The following CORO2A variants were observed in gnomAD, a reference collection of about 807,000 sequenced individuals.
CORO2A encodes coronin-2A.
In CORO2A, 47 loss-of-function variants were observed where a neutral mutation model predicts 62.4. That is an observed-to-expected ratio of 0.75 (90% CI 0.60 to 0.96). The LOEUF (loss-of-function observed/expected upper bound fraction) is 0.96. Ranked by LOEUF, CORO2A falls within the 40% of genes least tolerant of loss-of-function variation. The probability of loss-of-function intolerance (pLI) is 0.00; values close to 1 mark genes in which losing one functional copy is unlikely to be tolerated. For synonymous variants in CORO2A, 273 were observed against 268.9 expected (o/e 1.02, Z -0.15); for missense variants, 610 against 684.1 (o/e 0.89, Z 1.21).
At chr9:98,176,126 C>T (rs1160169623) in intron 1 of CORO2A, among the ~76,000 whole-genome samples, 1 of 152,162 alleles carries the variant, frequency 6.6e-6, no homozygotes, top group Non-Finnish European at 1.5e-5. Flanking sequence ...TCTAAACATT[C>T]GGCGGGGGGT....
In CORO2A at chr9:98,192,610, C is replaced by T. The variant is rs1828318886; in HGVS notation, c.-52G>A. 6.7e-6 allele frequency: 1 copy of T among 150,270 alleles called. No homozygotes were observed. Among genetic ancestry groups the T allele is most frequent in the African/African-American group, 2.4e-5 (1 of 41,228 alleles). The allele number at this position is 150,270 out of a possible 1,614,324, so 9.3% of individuals were successfully genotyped here. ...TGGCGGCGGCGGCGTCCAGCTCCGG[C>T]TCCGCGCTCCTCGCCGCCCGCCGAC... On this transcript the variant is annotated 5_prime_UTR_variant, in exon 1 of 12. Coordinates refer to ENST00000375077, the MANE Select transcript of CORO2A (RefSeq NM_052820.4).
chr9:98,159,820 A>G (rs1827859651), intron 1 of CORO2A, among the ~76,000 whole-genome samples: 1 of 151,998 alleles, frequency 6.6e-6, no homozygotes, highest in Admixed American at 6.5e-5. Flanking sequence ...GCTCTGCTCC[A>G]GGAGTGTCCA....
chr9:98,151,814 A>ATCT (rs1827727419), intron 2 of CORO2A, among the ~76,000 whole-genome samples: 1 of 115,442 alleles, frequency 8.7e-6, no homozygotes, highest in African/African-American at 3.3e-5. Context: ...TGCCCGGCTA[A>ATCT]TTTTTTTTTT....
chr9:98,153,351 T>G (rs1414591346), intron 2 of CORO2A, among the ~76,000 whole-genome samples: 2 of 151,882 alleles, frequency 1.3e-5, no homozygotes, highest in African/African-American at 4.8e-5. Flanking sequence ...TCTGCCCGTC[T>G]GGGCCTGCCA....
chr9:98,150,503 GA>G (rs1827708482), intron 2 of CORO2A, among the ~76,000 whole-genome samples: 2 of 152,148 alleles, frequency 1.3e-5, no homozygotes, highest in Admixed American at 6.5e-5. Flanking sequence ...TCGGCTCAAA[GA>G]TCACCTTCCC....
intron 10 of CORO2A, 184 bp from the exon 11 acceptor site, chr9:98,127,007 T>A (rs1587989677): frequency 1.6e-6 from 1 of 645,076 alleles, no homozygotes; most frequent in East Asian, 2.8e-5. Flanking sequence ...CAGATACAAA[T>A]ACCCACGTGT....
intron 1 of CORO2A, among the ~76,000 whole-genome samples, chr9:98,162,784 C>T (rs900378932): frequency 5.3e-5 from 8 of 152,180 alleles, no homozygotes; most frequent in Admixed American, 5.2e-4. Flanking sequence ...TGAGCGCATG[C>T]GTGTATCCGT....
chr9:98,154,352 T>TATATATATATATATATATATATAA, intron 2 of CORO2A, among the ~76,000 whole-genome samples: 1 of 94,068 alleles, frequency 1.1e-5, no homozygotes, highest in Non-Finnish European at 2.2e-5. Flanking sequence ...TATATATATA[T>TATATATATATATATATATATATAA]ACACAAATAC....
At chr9:98,181,684 G>A (rs1437581853) in intron 1 of CORO2A, among the ~76,000 whole-genome samples, 3 of 152,030 alleles carry the variant, frequency 2.0e-5, no homozygotes, top group African/African-American at 7.2e-5. Context: ...CTTTGGCAAG[G>A]CTGTTTCTCC....
intron 1 of CORO2A, among the ~76,000 whole-genome samples, chr9:98,170,006 C>CAA (rs775192024): frequency 2.2e-4 from 34 of 152,176 alleles, no homozygotes; most frequent in Non-Finnish European, 7.3e-5. Flanking sequence ...AAGAAGGCAC[C>CAA]AAGTTCAAGC....
intron 1 of CORO2A, among the ~76,000 whole-genome samples, chr9:98,189,522 T>C (rs1389027924): frequency 1.3e-5 from 2 of 152,182 alleles, no homozygotes; most frequent in Non-Finnish European, 2.9e-5. Context: ...ATTTAATGAA[T>C]CTCCTTCCAA....
intron 1 of CORO2A, among the ~76,000 whole-genome samples, chr9:98,178,420 G>A (rs1293493062): frequency 6.6e-6 from 1 of 152,188 alleles, no homozygotes; most frequent in Non-Finnish European, 1.5e-5. Flanking sequence ...TTTTCAGTAC[G>A]AATCTTTAAA....
chr9:98,163,739 T>TGAGA (rs1260622991), intron 1 of CORO2A, among the ~76,000 whole-genome samples: 2 of 135,956 alleles, frequency 1.5e-5, no homozygotes, highest in Non-Finnish European at 1.6e-5. Context: ...TATGTGTGTG[T>TGAGA]GTGAGAGAGA....
chr9:98,171,110 A>G (rs1304357795), intron 1 of CORO2A, among the ~76,000 whole-genome samples: 2 of 152,234 alleles, frequency 1.3e-5, no homozygotes, highest in Non-Finnish European at 2.9e-5. Context: ...GGATTTTCCA[A>G]GACACCTCCA....
intron 7 of CORO2A, 85 bp from the exon 8 acceptor site, chr9:98,129,975 C>T (rs1827382209): frequency 1.0e-5 from 11 of 1,063,276 alleles, no homozygotes; most frequent in Non-Finnish European, 5.7e-6. Flanking sequence ...GCAGCAAAGA[C>T]CTGGCTTTTT....
chr9:98,191,033 C>A (rs1192804217), intron 1 of CORO2A, among the ~76,000 whole-genome samples: 1 of 152,236 alleles, frequency 6.6e-6, no homozygotes, highest in Non-Finnish European at 1.5e-5. Context: ...AAAGAGCTCA[C>A]TACCTGTCCA....
chr9:98,162,402 G>T (rs1827898235), intron 1 of CORO2A, among the ~76,000 whole-genome samples: 1 of 152,194 alleles, frequency 6.6e-6, no homozygotes, highest in Admixed American at 6.5e-5. Flanking sequence ...CCCCACGGAT[G>T]AAGCCAGCTG....
chr9:98,135,766 T>G (rs1197449287), intron 3 of CORO2A, among the ~76,000 whole-genome samples: 1 of 152,344 alleles, frequency 6.6e-6, no homozygotes, highest in East Asian at 1.9e-4. Flanking sequence ...TAGACGACTT[T>G]GCTTTCAATT....
chr9:98,132,361 T>A, intron 5 of CORO2A, 60 bp from the exon 6 acceptor site: 1 of 1,414,782 alleles, frequency 7.1e-7, no homozygotes, highest in Non-Finnish European at 1.0e-6. Context: ...GCAGCTGGGG[T>A]TTCTGGCCTC....
Sources: gnomAD v4.1 joint callset for allele counts (sites outside exome capture counted in the v4.1 genomes callset) on GRCh38, gnomAD v4.1.1 for gene constraint, MANE v1.5 for transcripts, NCBI Gene and HGNC (gene_info 2026-07-23, HGNC 2026-07-21) for gene names.